The following XPA variants were observed in gnomAD, a reference collection of about 807,000 sequenced individuals.
The protein encoded by XPA is DNA repair protein complementing XP-A cells.
XPA carries 27 observed loss-of-function variants against 35.7 expected under a neutral mutation model. The observed-to-expected ratio is 0.76, with a 90% CI of 0.56 to 1.04. The LOEUF (loss-of-function observed/expected upper bound fraction) is 1.04, where lower values mean the gene tolerates loss of function less well. XPA is among the 50% of genes least tolerant of loss of function. The probability of loss-of-function intolerance (pLI) is 0.00; values close to 1 mark genes in which losing one functional copy is unlikely to be tolerated. For missense variants in XPA, 354 were observed against 342.7 expected (o/e 1.03, Z -0.26); for synonymous variants, 133 against 118.4 (o/e 1.12, Z -0.80).
Position 97,689,418 on chromosome 9 carries a change from C to A in XPA, c.389+116G>T, listed in dbSNP as rs1037592659. The A allele has an allele frequency of 4.1e-6, 3 of 736,942 alleles. No homozygotes were observed. In the African/African-American group the frequency reaches 5.3e-5, roughly 13 times the overall value. The allele number at this position is 736,942 out of a possible 1,614,324, so 45.7% of individuals were successfully genotyped here. A position where few individuals can be genotyped will look rare whatever the true frequency, so the allele number is the denominator to read the frequency against. On this transcript the variant is annotated intron_variant, in intron 3 of 5. Transcript: ENST00000375128. ...GAAACCATAGAAATTTTAGGAAACA[C>A]CCAAAATGAAATTCATAATTACTAA...
chr9:97,661,538 G>T, the XPA span, among the ~76,000 whole-genome samples: 20 of 152,128 alleles, frequency 1.3e-4, no homozygotes, highest in African/African-American at 4.6e-4. Flanking sequence ...TCAATAAATG[G>T]ATATGCACAT....
Position 97,675,160 on chromosome 9 carries a change from GACCTACC to G in XPA, c.*272_*278del. On this transcript the variant is annotated 3_prime_UTR_variant, in exon 6 of 6. Coordinates refer to ENST00000375128, the MANE Select transcript of XPA (RefSeq NM_000380.4). ...GTATCTTGTCCTCAAATTTGTAGCT[GACCTACC>G]ACTTCTGCACCTACTCTAGCACTCA... 1 of 581,578 alleles carries G rather than the reference GACCTACC, an allele frequency of 1.7e-6. No homozygotes were observed. The highest frequency in any genetic ancestry group is 3.2e-6 in the Non-Finnish European group (1 of 309,438). 36.0% of individuals were successfully genotyped at this position (581,578 alleles called of 1,614,324 possible).
chr9:97,682,301 A>T (rs189798566), intron 5 of XPA: 5 of 518,896 alleles, frequency 9.6e-6, no homozygotes, highest in Non-Finnish European at 1.9e-5. Flanking sequence ...ATACTTTTAG[A>T]CTTGCTTTTA....
chr9:97,689,227 T>A (rs770118370), intron 3 of XPA, among the ~76,000 whole-genome samples: 25 of 152,016 alleles, frequency 1.6e-4, no homozygotes, highest in South Asian at 1.0e-3. Flanking sequence ...AAGAGAAGGG[T>A]TAGCAGCCTA....
chr9:97,654,776 TA>T, the XPA span: 1 of 997,986 alleles, frequency 1.0e-6, no homozygotes, highest in Non-Finnish European at 1.5e-6. Flanking sequence ...TGTTCAGCAT[TA>T]TTAATCATTA....
At chr9:97,669,926 C>T (rs1463969791), downstream of XPA, 5 of 561,534 alleles carry the variant, frequency 8.9e-6, no homozygotes, top group Non-Finnish European at 1.6e-5. Flanking sequence ...CAACCCCCCG[C>T]CCCACCTTTT....
At chr9:97,663,592 C>T in the XPA span, among the ~76,000 whole-genome samples, 1 of 151,930 alleles carries the variant, frequency 6.6e-6, no homozygotes, top group Non-Finnish European at 1.5e-5. Context: ...TCAAGTGATT[C>T]CCCTGCCTCA....
chr9:97,655,035 T>G, the XPA span: 2 of 1,158,982 alleles, frequency 1.7e-6, no homozygotes, highest in African/African-American at 1.7e-5. Context: ...TTTAAGAATT[T>G]CCATGTTTAG....
At chr9:97,673,861 T>A (rs1828271361), downstream of XPA, 1 of 152,214 alleles carries the variant, frequency 6.6e-6, no homozygotes, top group African/African-American at 2.4e-5. Context: ...ACCAGGATTG[T>A]CTTAAACTGG....
chr9:97,672,506 G>A (rs1249952152), downstream of XPA: 1 of 152,142 alleles, frequency 6.6e-6, no homozygotes, highest in African/African-American at 2.4e-5. Flanking sequence ...TTGCGTGGCT[G>A]GTTAGTAAAG....
chr9:97,670,097 A>ATT, downstream of XPA: 1 of 328,076 alleles, frequency 3.0e-6, no homozygotes, highest in Non-Finnish European at 6.0e-6. Context: ...TGATTTTTGT[A>ATT]TTTTTAGTAG....
intron 2 of XPA, among the ~76,000 whole-genome samples, chr9:97,691,016 C>G (rs568689893): frequency 2.6e-5 from 4 of 152,318 alleles, no homozygotes; most frequent in East Asian, 3.9e-4. Context: ...TTCTGCCCAC[C>G]ACAGCACTGC....
chr9:97,654,947 A>T, the XPA span: 1 of 1,590,006 alleles, frequency 6.3e-7, no homozygotes, highest in Non-Finnish European at 8.6e-7. Context: ...GTAGACAGGT[A>T]CAGTAATCGC....
downstream of XPA, chr9:97,670,991 A>C: frequency 2.8e-6 from 2 of 709,522 alleles, no homozygotes; most frequent in Non-Finnish European, 4.7e-6. Context: ...TCTTTTCATC[A>C]TTCTGCAGCA....
chr9:97,689,784 T>TA (rs202167208), intron 2 of XPA, 145 bp from the exon 3 acceptor site: 11,165 of 384,882 alleles, frequency 0.029, no homozygotes, highest in Middle Eastern at 0.038. Flanking sequence ...TATGTTTATC[T>TA]AAAAAAAAAA....
chr9:97,658,733 T>G, the XPA span: 1 of 1,602,562 alleles, frequency 6.2e-7, no homozygotes, highest in Non-Finnish European at 8.5e-7. Context: ...AGTATGGAGA[T>G]GAAAGTAGCA....
chr9:97,678,358 G>A (rs1208024367), intron 5 of XPA, among the ~76,000 whole-genome samples: 4 of 151,918 alleles, frequency 2.6e-5, no homozygotes, highest in East Asian at 1.9e-4. Flanking sequence ...CTGAGGTTGC[G>A]CCACTGCACT....
chr9:97,675,675 CATGTGTGTGTGTCT>C (rs1828341221), intron 5 of XPA, 88 bp from the exon 6 acceptor site: 1 of 1,464,782 alleles, frequency 6.8e-7, no homozygotes, highest in East Asian at 2.3e-5. Context: ...CAGCCATGTA[CATGTGTGTGTGTCT>C]ATGTGTATTT....
chr9:97,666,870 A>G, the XPA span: 1 of 1,597,314 alleles, frequency 6.3e-7, no homozygotes, highest in Non-Finnish European at 8.5e-7. Context: ...GCTAGGCAAC[A>G]CAAACGGGTA....
Sources: gnomAD v4.1 joint callset for allele counts (sites outside exome capture counted in the v4.1 genomes callset) on GRCh38, gnomAD v4.1.1 for gene constraint, MANE v1.5 for transcripts, NCBI Gene and HGNC (gene_info 2026-07-23, HGNC 2026-07-21) for gene names.